The following ARHGAP42 variants were observed in gnomAD, a reference collection of about 807,000 sequenced individuals.
ARHGAP42 encodes Rho GTPase activating protein 42, also known as rho GTPase-activating protein 42.
In ARHGAP42, 63 loss-of-function variants were observed where a neutral mutation model predicts 125.0. The ratio of observed to expected loss-of-function variants is 0.50; its 90% CI spans 0.41 to 0.62. The LOEUF (loss-of-function observed/expected upper bound fraction) is 0.62, where lower values mean the gene tolerates loss of function less well. Ranked by LOEUF, ARHGAP42 falls within the 20% of genes least tolerant of loss-of-function variation. The pLI, the probability that ARHGAP42 is intolerant of heterozygous loss-of-function variation, is 0.00. For missense variants in ARHGAP42, 766 were observed against 1,024.2 expected, an observed-to-expected ratio of 0.75 and a Z score of 3.44; for synonymous variants, 339 against 351.0, an observed-to-expected ratio of 0.97 and a Z score of 0.38.
intron 19 of ARHGAP42, among the ~76,000 whole-genome samples, chr11:100,975,183 T>A (rs1223944483): frequency 6.6e-6 from 1 of 152,146 alleles, no homozygotes; most frequent in Non-Finnish European, 1.5e-5. Context: ...TAGAAAATAG[T>A]CAATTATATA....
chr11:100,940,690 C>G (rs575065944), intron 8 of ARHGAP42, among the ~76,000 whole-genome samples: 2 of 152,144 alleles, frequency 1.3e-5, no homozygotes, highest in Non-Finnish European at 2.9e-5. Context: ...CTTGTTTTTT[C>G]CAGATTAGGA....
intron 2 of ARHGAP42, among the ~76,000 whole-genome samples, chr11:100,773,070 C>T (rs1380347357): frequency 1.3e-5 from 2 of 152,182 alleles, no homozygotes; most frequent in African/African-American, 4.8e-5. Context: ...CTCCTGACCT[C>T]AGGTGATCCA....
chr11:100,734,213 G>C (rs564658312), intron 1 of ARHGAP42, among the ~76,000 whole-genome samples: 1 of 151,718 alleles, frequency 6.6e-6, no homozygotes, highest in Non-Finnish European at 1.5e-5. Flanking sequence ...GATTACAAGC[G>C]TGAGCCACCG....
intron 3 of ARHGAP42, among the ~76,000 whole-genome samples, chr11:100,801,184 T>C (rs931166401): frequency 6.6e-6 from 1 of 152,110 alleles, no homozygotes; most frequent in African/African-American, 2.4e-5. Context: ...TATGTATAGA[T>C]GGTGAGAGAT....
intron 4 of ARHGAP42, among the ~76,000 whole-genome samples, chr11:100,880,360 T>C (rs2135175223): frequency 6.6e-6 from 1 of 152,338 alleles, no homozygotes; most frequent in East Asian, 1.9e-4. Context: ...AGTGTTTGAT[T>C]TTCCATTCCT....
intron 10 of ARHGAP42, among the ~76,000 whole-genome samples, chr11:100,945,477 A>C (rs1867991978): frequency 6.6e-6 from 1 of 152,148 alleles, no homozygotes; most frequent in South Asian, 2.1e-4. Flanking sequence ...ATCACTACTT[A>C]TGGCCGTGAA....
chr11:100,983,732 A>G (rs1382895775), intron 22 of ARHGAP42, among the ~76,000 whole-genome samples: 2 of 152,234 alleles, frequency 1.3e-5, no homozygotes, highest in Non-Finnish European at 2.9e-5. Flanking sequence ...CTACAGGCTC[A>G]GGTGGAAGTT....
chr11:100,809,740 A>T (rs1864091335), intron 3 of ARHGAP42, among the ~76,000 whole-genome samples: 1 of 152,190 alleles, frequency 6.6e-6, no homozygotes, highest in Admixed American at 6.5e-5. Flanking sequence ...GGATCGCATG[A>T]GCCCAGAAGT....
At chr11:100,739,097 G>A (rs554400597) in intron 1 of ARHGAP42, among the ~76,000 whole-genome samples, 1 of 152,266 alleles carries the variant, frequency 6.6e-6, no homozygotes, top group South Asian at 2.1e-4. Context: ...ACAGAAATAT[G>A]TAGATTTGAC....
intron 1 of ARHGAP42, among the ~76,000 whole-genome samples, chr11:100,763,951 T>C (rs1247991715): frequency 1.3e-5 from 2 of 152,112 alleles, no homozygotes; most frequent in African/African-American, 2.4e-5. Context: ...TTAAATGTTG[T>C]AAGGCTCATA....
chr11:100,867,804 T>A (rs1247595219), intron 4 of ARHGAP42, among the ~76,000 whole-genome samples: 1 of 152,232 alleles, frequency 6.6e-6, no homozygotes, highest in Non-Finnish European at 1.5e-5. Flanking sequence ...TAATGATTTC[T>A]AGCTTTTGAT....
At chr11:100,952,129 CT>C (rs1263879302) in intron 12 of ARHGAP42, among the ~76,000 whole-genome samples, 2 of 152,134 alleles carry the variant, frequency 1.3e-5, no homozygotes, top group East Asian at 3.9e-4. Context: ...CATATTTTTA[CT>C]TGAAGCCTGT....
chr11:100,734,922 A>T (rs137949765), intron 1 of ARHGAP42, among the ~76,000 whole-genome samples: 63 of 150,876 alleles, frequency 4.2e-4, no homozygotes, highest in Middle Eastern at 3.5e-3. Flanking sequence ...ATACAGATGT[A>T]GTTGGTTTAC....
At chr11:100,755,241 C>T (rs990339781) in intron 1 of ARHGAP42, among the ~76,000 whole-genome samples, 4 of 152,216 alleles carry the variant, frequency 2.6e-5, no homozygotes, top group African/African-American at 9.6e-5. Context: ...GCCCCATCCC[C>T]ACCACAGACC....
intron 3 of ARHGAP42, among the ~76,000 whole-genome samples, chr11:100,826,619 A>T (rs1591213651): frequency 6.6e-6 from 1 of 152,156 alleles, no homozygotes; most frequent in African/African-American, 2.4e-5. Context: ...TATTAACAGT[A>T]ATAGTTGAAG....
intron 2 of ARHGAP42, among the ~76,000 whole-genome samples, chr11:100,784,510 A>G (rs1288291712): frequency 1.3e-5 from 2 of 152,174 alleles, no homozygotes; most frequent in African/African-American, 2.4e-5. Flanking sequence ...GCATTTGGTG[A>G]TTGGATATAT....
chr11:100,848,577 C>T (rs564029439), intron 3 of ARHGAP42, among the ~76,000 whole-genome samples: 116 of 151,698 alleles, frequency 7.6e-4, no homozygotes, highest in African/African-American at 2.7e-3. Context: ...AATCTCGGCT[C>T]ACTGCAACCT....
chr11:100,983,834 T>G (rs1267131036), intron 22 of ARHGAP42, among the ~76,000 whole-genome samples: 1 of 152,182 alleles, frequency 6.6e-6, no homozygotes, highest in Non-Finnish European at 1.5e-5. Context: ...AACATGTAAT[T>G]AATTTTAAGA....
At chr11:100,845,169 A>T (rs951676595) in intron 3 of ARHGAP42, among the ~76,000 whole-genome samples, 1 of 152,166 alleles carries the variant, frequency 6.6e-6, no homozygotes, top group African/African-American at 2.4e-5. Context: ...AATACTACTC[A>T]GCCATAAAAA....
Sources: allele counts gnomAD v4.1 joint callset (sites outside exome capture counted in the v4.1 genomes callset), GRCh38; gene constraint gnomAD v4.1.1; transcripts MANE v1.5; gene names NCBI Gene and HGNC (gene_info 2026-07-23, HGNC 2026-07-21).